The following CTNNA2 variants were observed in gnomAD, a reference collection of about 807,000 sequenced individuals.
CTNNA2 encodes the protein catenin alpha 2.
Under a neutral mutation model 101.0 loss-of-function variants are expected in CTNNA2, and 42 were observed. The observed-to-expected ratio is 0.42, with a 90% confidence interval of 0.32 to 0.54. The LOEUF is 0.54. Ranked by LOEUF, CTNNA2 falls within the 20% of genes least tolerant of loss-of-function variation. The probability of loss-of-function intolerance (pLI) is 0.14; values close to 1 mark genes in which losing one functional copy is unlikely to be tolerated. For missense variants in CTNNA2, 871 were observed against 1,223.1 expected (o/e 0.71, Z 4.29); for synonymous variants, 450 against 456.4 (o/e 0.99, Z 0.18).
rs560409713 is a variant in CTNNA2, at chr2:79,240,933, A to G, written c.-406+42857A>G. ...TTTGGGGACCCTGCCTCTGCTGTCC[A>G]CCTCCTTCCAGTTTAACCATCCATC... is the stretch of plus-strand genomic sequence containing the variant. On this transcript the variant is annotated intron_variant, in intron 2 of 21. Coordinates refer to the CTNNA2 transcript ENST00000466387. Among the ~76,000 whole-genome samples the G allele has an allele frequency of 5.9e-5, 9 of 152,106 alleles. No homozygotes were observed. The South Asian group carries it at 1.9e-3, about 32-fold the overall frequency.
At chr2:80,647,488 C>G in intron 18 of CTNNA2, 97 bp from the exon 19 acceptor site, 1 of 1,098,156 alleles carries the variant, frequency 9.1e-7, no homozygotes, top group African/African-American at 1.6e-5. Context: ...TTTATTTGCA[C>G]AAGGAAAACA....
At chr2:79,248,950 T>A (rs866137868) in intron 2 of CTNNA2, among the ~76,000 whole-genome samples, 1 of 152,174 alleles carries the variant, frequency 6.6e-6, no homozygotes. Context: ...ACAGAGTTAC[T>A]TAGCATGCCT....
Position 79,702,228 on chromosome 2 carries a change from C to T in CTNNA2, c.103-42159C>T, listed in dbSNP as rs1685061229. ...TGCTTTTGTATGGCCTGCCTTTTTA[C>T]ATTTTTACATGATTTTTTAAAAATA... On this transcript the variant is annotated intron_variant, in intron 2 of 18. Coordinates refer to ENST00000402739, the MANE Select transcript of CTNNA2 (RefSeq NM_001282597.3). Among the ~76,000 whole-genome samples, 6 of 142,202 alleles carry T rather than the reference C, an allele frequency of 4.2e-5. No individual in the cohort carries two copies. In the South Asian group the frequency reaches 1.2e-3, roughly 30 times the overall value. 93.3% of individuals were successfully genotyped at this position (142,202 alleles called of 152,430 possible).
chr2:79,563,161 GT>G (rs1244686790), intron 1 of CTNNA2, among the ~76,000 whole-genome samples: 9 of 78,618 alleles, frequency 1.1e-4, no homozygotes, highest in African/African-American at 4.3e-4. Context: ...ATAAAGATGT[GT>G]ATATATATAT....
upstream of CTNNA2, among the ~76,000 whole-genome samples, chr2:79,508,467 A>T (rs187855760): frequency 1.1e-4 from 17 of 152,282 alleles, no homozygotes; most frequent in East Asian, 3.3e-3. Context: ...GGGAACCTGA[A>T]GATGAGAGAG....
intron 2 of CTNNA2, among the ~76,000 whole-genome samples, chr2:79,671,500 GAA>G (rs59480648): frequency 2.6e-5 from 4 of 151,724 alleles, no homozygotes; most frequent in South Asian, 2.1e-4. Flanking sequence ...ATATGAGAAG[GAA>G]AAAAAAGATA....
rs769825975 is a variant in CTNNA2, at chr2:80,303,641, G to T, written c.1057-89570G>T. The stretch of plus-strand genomic sequence containing the variant: ...CAGCAGGCCGGACAGGTTGTGGGGC[G>T]CCTCGGTGAGGTTGAGCGCCTCGCA... On this transcript the variant is annotated intron_variant, in intron 7 of 18. Transcript: ENST00000402739. The surrounding 1 kb of genome is among the most constrained non-coding windows in gnomAD (Gnocchi z 7.7). 2.5e-6 allele frequency: 4 copies of T among 1,613,408 alleles called. No individual in the cohort carries two copies. Among genetic ancestry groups the T allele is most frequent in the South Asian group, 2.2e-5 (2 of 91,036 alleles).
intron 7 of CTNNA2, among the ~76,000 whole-genome samples, chr2:80,277,963 A>G (rs1244053768): frequency 6.6e-6 from 1 of 152,016 alleles, no homozygotes; most frequent in Admixed American, 6.5e-5. Context: ...CCTTCAGTCC[A>G]TGTGGTTTTG....
chr2:79,272,906 AG>A (rs1164898270), intron 2 of CTNNA2, among the ~76,000 whole-genome samples: 1 of 152,064 alleles, frequency 6.6e-6, no homozygotes, highest in African/African-American at 2.4e-5. Flanking sequence ...TTTATTAACT[AG>A]GTTATGTTTT....
In CTNNA2 at chr2:79,824,810, T is replaced by G. The variant is rs976481381; in HGVS notation, c.299-33203T>G. ...ATCATCAAAAAAGTTCCCCTTTTTT[T>G]GGTATGGTTTTAATATCAAATATAA... is the stretch of plus-strand genomic sequence containing the variant. On this transcript the variant is annotated intron_variant, in intron 3 of 18. Coordinates refer to ENST00000402739, the MANE Select transcript of CTNNA2 (RefSeq NM_001282597.3). 4.7e-4 allele frequency among the ~76,000 whole-genome samples: 72 copies of G among 152,298 alleles called. 1 individual carries two copies. Among genetic ancestry groups the G allele is most frequent in the African/African-American group, 1.7e-3 (72 of 41,562 alleles).
At chr2:79,377,137 T>G (rs1677987462) in intron 4 of CTNNA2, among the ~76,000 whole-genome samples, 1 of 151,982 alleles carries the variant, frequency 6.6e-6, no homozygotes. Context: ...CCACATCCTC[T>G]CCAGCACCTG....
chr2:80,178,621 T>C (rs911946878), intron 7 of CTNNA2, among the ~76,000 whole-genome samples: 5 of 152,170 alleles, frequency 3.3e-5, no homozygotes, highest in Non-Finnish European at 7.4e-5. Flanking sequence ...TCTCCTGTTC[T>C]GGACCCCACT....
intron 7 of CTNNA2, among the ~76,000 whole-genome samples, chr2:80,009,224 T>C (rs1693594010): frequency 6.6e-6 from 1 of 152,196 alleles, no homozygotes; most frequent in Non-Finnish European, 1.5e-5. Flanking sequence ...AAAGGAGATC[T>C]TGAGCTTCTC....
At chr2:79,438,324 T>C (rs566036372) in intron 4 of CTNNA2, among the ~76,000 whole-genome samples, 65 of 152,238 alleles carry the variant, frequency 4.3e-4, no homozygotes, top group Middle Eastern at 3.4e-3. Flanking sequence ...GTGTTAGAAA[T>C]GGCCCACCTG....
chr2:80,077,629 C>T (rs1381039217), intron 7 of CTNNA2, among the ~76,000 whole-genome samples: 1 of 151,292 alleles, frequency 6.6e-6, no homozygotes, highest in African/African-American at 2.4e-5. Context: ...AAAACAAAAC[C>T]TACGGATACA....
At chr2:79,468,043 G>A (rs1392097814) in intron 4 of CTNNA2, among the ~76,000 whole-genome samples, 1 of 152,138 alleles carries the variant, frequency 6.6e-6, no homozygotes, top group East Asian at 1.9e-4. Context: ...AACCTTAAAT[G>A]TAAATGGGCT....
At chr2:79,286,676 C>T (rs549049088) in intron 2 of CTNNA2, among the ~76,000 whole-genome samples, 34 of 151,962 alleles carry the variant, frequency 2.2e-4, no homozygotes, top group Admixed American at 9.8e-4. Flanking sequence ...TCTCTCTGGC[C>T]GCCCTTAACA....
chr2:79,746,321 A>G (rs1248724273), intron 3 of CTNNA2, among the ~76,000 whole-genome samples: 2 of 152,202 alleles, frequency 1.3e-5, no homozygotes, highest in East Asian at 1.9e-4. Context: ...CTTATCAGAC[A>G]GTGATTGGCA....
chr2:79,945,692 CT>C (rs1688444798), intron 7 of CTNNA2, among the ~76,000 whole-genome samples: 1 of 152,082 alleles, frequency 6.6e-6, no homozygotes. Context: ...AAATATCATG[CT>C]TAGTCCTGGA....
Sources: allele counts gnomAD v4.1 joint callset (sites outside exome capture counted in the v4.1 genomes callset), GRCh38; gene constraint gnomAD v4.1.1; non-coding constraint Gnocchi (gnomAD v3.1); transcripts MANE v1.5; gene names NCBI Gene and HGNC (gene_info 2026-07-23, HGNC 2026-07-21).